The following CCDC91 variants were observed in gnomAD, a reference collection of about 807,000 sequenced individuals.
CCDC91 encodes the protein coiled-coil domain containing 91, also known as coiled-coil domain-containing protein 91.
A neutral mutation model predicts 63.2 loss-of-function variants in CCDC91; 48 were observed. That is an observed-to-expected ratio of 0.76 (90% CI 0.60 to 0.97). The LOEUF is 0.97. Among genes scored for constraint, CCDC91 ranks in the 50% least tolerant of loss-of-function variants. The pLI is 0.00. For synonymous variants in CCDC91, 167 were observed against 165.8 expected, an observed-to-expected ratio of 1.01 and a Z score of -0.06; for missense variants, 500 against 494.6, an observed-to-expected ratio of 1.01 and a Z score of -0.10.
At chr12:28,419,975 T>C (rs1355769689) in intron 8 of CCDC91, among the ~76,000 whole-genome samples, 1 of 152,094 alleles carries the variant, frequency 6.6e-6, no homozygotes, top group African/African-American at 2.4e-5. Flanking sequence ...CAGGCTGATC[T>C]CGAACTCCTA....
At chr12:28,357,089 C>G (rs997125819) in intron 6 of CCDC91, among the ~76,000 whole-genome samples, 2 of 152,112 alleles carry the variant, frequency 1.3e-5, no homozygotes, top group Non-Finnish European at 2.9e-5. Context: ...AAAAGAAAGC[C>G]TTGGTTCAGA....
intron 5 of CCDC91, 94 bp downstream of exon 5, chr12:28,307,039 A>G: frequency 1.2e-6 from 1 of 823,344 alleles, no homozygotes. Flanking sequence ...CAGAGGAAGA[A>G]GATACTTTTC....
rs1418334003 is a variant in CCDC91, at chr12:28,493,472, G to A, written c.1215+9307G>A. On this transcript the variant is annotated intron_variant, in intron 12 of 12. Transcript: ENST00000536442. The stretch of plus-strand genomic sequence containing the variant: ...GAAAAGTAGAACTTTGGTCACATGT[G>A]TATATATGTACACTGAACACAAAAG... Among the ~76,000 whole-genome samples, 4 of 151,652 alleles carry A rather than the reference G, an allele frequency of 2.6e-5. No individual in the cohort carries two copies. The Admixed American group carries it at 2.6e-4, about 10-fold the overall frequency.
rs375968252 is a variant in CCDC91 at position 28,380,173 on chromosome 12, G to A, written c.655-11131G>A. 2.3e-3 allele frequency among the ~76,000 whole-genome samples: 357 copies of A among 152,162 alleles called. 2 individuals carry two copies. Among genetic ancestry groups the A allele is most frequent in the African/African-American group, 8.2e-3 (339 of 41,508 alleles). ...GGAACATCACACACCAGGGCCTGTTGGGGGTTGGGGGGCTGGGGTAGGGAT... is the reference window on the plus strand; with the variant it reads ...GGAACATCACACACCAGGGCCTGTTAGGGGTTGGGGGGCTGGGGTAGGGAT... On this transcript the variant is annotated intron_variant, in intron 7 of 12. Coordinates refer to ENST00000536442, the MANE Select transcript of CCDC91 (RefSeq NM_018318.5).
intron 8 of CCDC91, among the ~76,000 whole-genome samples, chr12:28,434,681 A>G (rs1267105815): frequency 4.7e-5 from 6 of 126,342 alleles, no homozygotes; most frequent in South Asian, 2.4e-4. Flanking sequence ...CTCTGCTTCT[A>G]TCTTCTGGAC....
chr12:28,279,353 A>G (rs1948449394), intron 3 of CCDC91, among the ~76,000 whole-genome samples: 1 of 152,150 alleles, frequency 6.6e-6, no homozygotes, highest in Admixed American at 6.6e-5. Flanking sequence ...CCTCAAGTTA[A>G]GTACAGAAGT....
intron 6 of CCDC91, among the ~76,000 whole-genome samples, chr12:28,330,077 C>T (rs1424325209): frequency 1.3e-5 from 2 of 152,148 alleles, no homozygotes; most frequent in East Asian, 1.9e-4. Flanking sequence ...AGTAAACATA[C>T]GTGTGCCTGT....
chr12:28,413,091 G>A (rs909701866), intron 8 of CCDC91, among the ~76,000 whole-genome samples: 2 of 151,952 alleles, frequency 1.3e-5, no homozygotes, highest in Non-Finnish European at 2.9e-5. Flanking sequence ...CTTTTCCATT[G>A]TTTTCTCATT....
chr12:28,440,817 G>A (rs1949147180), intron 8 of CCDC91, among the ~76,000 whole-genome samples: 1 of 151,992 alleles, frequency 6.6e-6, no homozygotes, highest in South Asian at 2.1e-4. Context: ...CTAGCACTTT[G>A]GGAGGCCGAG....
intron 8 of CCDC91, among the ~76,000 whole-genome samples, chr12:28,423,211 A>G (rs997899257): frequency 2.0e-5 from 3 of 152,140 alleles, no homozygotes; most frequent in Non-Finnish European, 4.4e-5. Flanking sequence ...CCTAGACTAC[A>G]AATAGAGAAA....
chr12:28,269,956 G>T (rs559965690), intron 3 of CCDC91, among the ~76,000 whole-genome samples: 1 of 151,664 alleles, frequency 6.6e-6, no homozygotes, highest in Non-Finnish European at 1.5e-5. Context: ...TGATTATATT[G>T]GCTTGCAGCT....
intron 6 of CCDC91, among the ~76,000 whole-genome samples, chr12:28,309,704 T>C (rs1415823525): frequency 6.6e-6 from 1 of 152,076 alleles, no homozygotes; most frequent in Non-Finnish European, 1.5e-5. Flanking sequence ...AATAAATCTT[T>C]GGTATATCTT....
At chr12:28,324,764 G>A (rs1317808839) in intron 6 of CCDC91, among the ~76,000 whole-genome samples, 1 of 151,728 alleles carries the variant, frequency 6.6e-6, no homozygotes, top group Non-Finnish European at 1.5e-5. Flanking sequence ...AACAATGCCT[G>A]GCACACAACA....
chr12:28,313,111 T>G (rs944447082), intron 6 of CCDC91, among the ~76,000 whole-genome samples: 1 of 152,052 alleles, frequency 6.6e-6, no homozygotes, highest in Non-Finnish European at 1.5e-5. Flanking sequence ...TTTTTTAATA[T>G]CAAGGTATCT....
intron 3 of CCDC91, among the ~76,000 whole-genome samples, chr12:28,262,849 C>T (rs1435957091): frequency 1.3e-5 from 2 of 151,924 alleles, no homozygotes; most frequent in Non-Finnish European, 2.9e-5. Context: ...AATTCCTTTA[C>T]TCTCCATAAA....
chr12:28,352,271 G>A (rs985204429), intron 6 of CCDC91, among the ~76,000 whole-genome samples: 4 of 152,198 alleles, frequency 2.6e-5, no homozygotes, highest in Non-Finnish European at 5.9e-5. Flanking sequence ...GAAGGTTGGT[G>A]TGGCTGTTGC....
chr12:28,492,593 G>A (rs1477451002), intron 12 of CCDC91, among the ~76,000 whole-genome samples: 1 of 151,208 alleles, frequency 6.6e-6, no homozygotes, highest in African/African-American at 2.4e-5. Flanking sequence ...CTAGGATGAA[G>A]CCAATATCTG....
At chr12:28,360,155 A>C (rs917724762) in intron 6 of CCDC91, among the ~76,000 whole-genome samples, 2 of 152,194 alleles carry the variant, frequency 1.3e-5, no homozygotes, top group African/African-American at 4.8e-5. Context: ...TTGATTCTTT[A>C]TGATTAGGTA....
chr12:28,443,239 A>C (rs1282309139), intron 8 of CCDC91, among the ~76,000 whole-genome samples: 10 of 124,900 alleles, frequency 8.0e-5, no homozygotes, highest in Non-Finnish European at 1.7e-4. Context: ...AGTCCTAGGC[A>C]AAAAAAAAAA....
Sources: allele counts gnomAD v4.1 joint callset (sites outside exome capture counted in the v4.1 genomes callset), GRCh38; gene constraint gnomAD v4.1.1; transcripts MANE v1.5; gene names NCBI Gene and HGNC (gene_info 2026-07-23, HGNC 2026-07-21).